Variants in THSD7B observed in about 807,000 individuals in gnomAD.
THSD7B encodes the protein thrombospondin type 1 domain containing 7B, also known as thrombospondin type-1 domain-containing protein 7B.
In THSD7B, 138 loss-of-function variants were observed where a neutral mutation model predicts 213.6. The ratio of observed to expected loss-of-function variants is 0.65; its 90% CI spans 0.56 to 0.74. THSD7B has a LOEUF of 0.74. Ranked by LOEUF, THSD7B falls within the 30% of genes least tolerant of loss-of-function variation. The pLI is 0.00. For synonymous variants in THSD7B, 742 were observed against 687.0 expected (o/e 1.08, Z -1.25); for missense variants, 1,931 against 1,991.5 (o/e 0.97, Z 0.58).
chr2:137,275,922 G>A lies in THSD7B; in HGVS notation c.2397-1G>A. On this transcript the variant is annotated splice_acceptor_variant, in intron 11 of 27. Transcript: ENST00000409968. LOFTEE classifies it high-confidence loss of function. ...TAGTCCATCGTTTTTGGTAATCACA[G>A]GTGGAAGCCACAGAAATGGAGCCCT... is the stretch of plus-strand genomic sequence containing the variant. 6.2e-7 allele frequency: 1 copy of A among 1,609,406 alleles called. No homozygotes were observed. The highest frequency in any genetic ancestry group is 8.5e-7 in the Non-Finnish European group (1 of 1,177,786).
intron 2 of THSD7B, among the ~76,000 whole-genome samples, chr2:136,978,596 T>C (rs1685523480): frequency 6.6e-6 from 1 of 152,210 alleles, no homozygotes; most frequent in African/African-American, 2.4e-5. Flanking sequence ...TTTCAGAAAC[T>C]AGGATTGCAA....
chr2:136,803,699 G>C (rs1466937661), intron 1 of THSD7B, among the ~76,000 whole-genome samples: 1 of 152,188 alleles, frequency 6.6e-6, no homozygotes, highest in African/African-American at 2.4e-5. Flanking sequence ...GAGCTGAGAA[G>C]TCTGACAATT....
intron 6 of THSD7B, among the ~76,000 whole-genome samples, chr2:137,166,009 G>A (rs1024501996): frequency 6.6e-6 from 1 of 152,130 alleles, no homozygotes; most frequent in Admixed American, 6.5e-5. Flanking sequence ...CGGAATAGAA[G>A]AAATTAGTTA....
In THSD7B at chr2:137,021,357, A is replaced by G. The variant is rs1686442400; in HGVS notation, c.140-35063A>G. 2.0e-5 allele frequency among the ~76,000 whole-genome samples: 3 copies of G among 152,280 alleles called. No homozygotes were observed. The South Asian group carries it at 6.2e-4, about 32-fold the overall frequency. ...AGGAGTATAAGTGCAGTTTTGTTAC[A>G]TGGATATATTGCATAGTTTTGATGT... On this transcript the variant is annotated intron_variant, in intron 2 of 27. Coordinates refer to ENST00000409968, the MANE Select transcript of THSD7B (RefSeq NM_001316349.2).
intron 15 of THSD7B, among the ~76,000 whole-genome samples, chr2:137,517,162 C>T (rs1680086133): frequency 6.6e-6 from 1 of 152,246 alleles, no homozygotes; most frequent in South Asian, 2.1e-4. Context: ...TTGCATTCTG[C>T]TGGCAAGGCC....
intron 2 of THSD7B, among the ~76,000 whole-genome samples, chr2:137,047,457 A>C (rs1686991679): frequency 6.6e-6 from 1 of 152,190 alleles, no homozygotes; most frequent in African/African-American, 2.4e-5. Context: ...CAGTGAAAGG[A>C]AAGTGACTTT....
chr2:136,996,373 G>T (rs1685890487), intron 2 of THSD7B, among the ~76,000 whole-genome samples: 1 of 147,532 alleles, frequency 6.8e-6, no homozygotes, highest in South Asian at 2.2e-4. Flanking sequence ...ACAAGGTCTT[G>T]CTTTGTCATC....
chr2:137,069,381 A>G (rs115403936), intron 3 of THSD7B, among the ~76,000 whole-genome samples: 2,381 of 152,154 alleles, frequency 0.016, 21 homozygotes, highest in Admixed American at 0.026. Context: ...TATCTGAGCT[A>G]TAGACTAGGA....
At chr2:137,205,967 C>A (rs1680975272) in intron 7 of THSD7B, among the ~76,000 whole-genome samples, 2 of 151,670 alleles carry the variant, frequency 1.3e-5, no homozygotes. Context: ...TTATTTTCTT[C>A]TATTACTAAA....
intron 2 of THSD7B, among the ~76,000 whole-genome samples, chr2:137,050,894 A>T (rs1432236): frequency 0.27 from 40,323 of 152,126 alleles, 5,868 homozygotes; most frequent in East Asian, 0.47. Flanking sequence ...AGTATTATCC[A>T]ATGCGTAACT....
intron 24 of THSD7B, among the ~76,000 whole-genome samples, chr2:137,658,558 C>A (rs372647686): frequency 1.8e-4 from 27 of 152,172 alleles, no homozygotes; most frequent in Middle Eastern, 3.2e-3. Flanking sequence ...CTGTGGAGAT[C>A]CCTGGTTGAA....
intron 4 of THSD7B, among the ~76,000 whole-genome samples, chr2:137,104,826 T>G (rs1688217098): frequency 6.6e-6 from 1 of 152,192 alleles, no homozygotes. Context: ...GATAAATTCC[T>G]GGACACTTAC....
intron 3 of THSD7B, among the ~76,000 whole-genome samples, chr2:137,093,239 C>G (rs554945466): frequency 1.0e-4 from 15 of 148,722 alleles, no homozygotes; most frequent in Non-Finnish European, 1.8e-4. Context: ...GAGCAGCTTT[C>G]GAAGAACCCT....
rs1205109358 is a variant in THSD7B, at chr2:137,141,549, T to C, written c.1370-18664T>C. Among the ~76,000 whole-genome samples the C allele has an allele frequency of 7.2e-5, 11 of 151,924 alleles. No homozygotes were observed. The East Asian group carries it at 2.1e-3, about 30-fold the overall frequency. ...GAATGCATGCAAAACTGGTGAAATC[T>C]GGGTAAGCTCTGCAGATTGTAACAA... On this transcript the variant is annotated intron_variant, in intron 5 of 27. Transcript: ENST00000409968.
At chr2:136,802,917 G>A (rs181300114) in intron 1 of THSD7B, among the ~76,000 whole-genome samples, 179 of 151,634 alleles carry the variant, frequency 1.2e-3, no homozygotes, top group African/African-American at 4.1e-3. Flanking sequence ...GGTATGCTAC[G>A]AAACATTTTG....
At chr2:137,242,960 G>A (rs1248161389) in intron 10 of THSD7B, among the ~76,000 whole-genome samples, 2 of 152,022 alleles carry the variant, frequency 1.3e-5, no homozygotes, top group Non-Finnish European at 2.9e-5. Context: ...TATAGGGCTC[G>A]AATACAATGC....
intron 12 of THSD7B, among the ~76,000 whole-genome samples, chr2:137,404,466 TATATATATACAC>T (rs1361386269): frequency 1.0e-3 from 74 of 73,952 alleles, no homozygotes; most frequent in East Asian, 4.5e-3. Context: ...TATATATATA[TATATATATACAC>T]ACACACACAC....
chr2:136,956,864 G>C (rs1238060794), intron 2 of THSD7B, among the ~76,000 whole-genome samples: 1 of 151,946 alleles, frequency 6.6e-6, no homozygotes, highest in Non-Finnish European at 1.5e-5. Context: ...ATTTTTAGTA[G>C]AGACGGGGCT....
chr2:137,405,792 C>T lies in THSD7B; in HGVS notation c.2680C>T (p.Arg894Trp), dbSNP rs780038711. 5.0e-6 allele frequency: 8 copies of T among 1,611,246 alleles called. No individual in the cohort carries two copies. Among genetic ancestry groups the T allele is most frequent in the South Asian group, 4.4e-5 (4 of 90,704 alleles). Residue 894 changes from arginine to tryptophan, a missense_variant, in exon 13 of 28, where the codon CGG becomes TGG. Arg to Trp is a moderately radical substitution (Grantham distance 101, BLOSUM62 -3). Coordinates refer to ENST00000409968, the MANE Select transcript of THSD7B (RefSeq NM_001316349.2). ...GAACTGTGAAGCCACAAAAAGTAGGCGGCGACAGCTCACAGGTATAGTGTG... is the reference window on the plus strand; with the variant it reads ...GAACTGTGAAGCCACAAAAAGTAGGTGGCGACAGCTCACAGGTATAGTGTG... Reference protein sequence around the residue: ...STNCEATKSRRRQLTGKSRKK... With the variant: ...STNCEATKSRWRQLTGKSRKK...
Sources: allele counts gnomAD v4.1 joint callset (sites outside exome capture counted in the v4.1 genomes callset), GRCh38; gene constraint gnomAD v4.1.1; transcripts MANE v1.5; gene names NCBI Gene and HGNC (gene_info 2026-07-23, HGNC 2026-07-21).